Variants in SMYD3 observed in about 807,000 individuals in gnomAD.
SMYD3 encodes SET and MYND domain containing 3, also known as histone-lysine N-methyltransferase SMYD3.
SMYD3 carries 36 observed loss-of-function variants against 57.7 expected under a neutral mutation model. The ratio of observed to expected loss-of-function variants is 0.62; its 90% CI spans 0.48 to 0.82. The LOEUF (loss-of-function observed/expected upper bound fraction) is 0.82, where lower values mean the gene tolerates loss of function less well. Among genes scored for constraint, SMYD3 ranks in the 40% least tolerant of loss-of-function variants. The probability of loss-of-function intolerance (pLI) is 0.00; values close to 1 mark genes in which losing one functional copy is unlikely to be tolerated. For missense variants in SMYD3, 515 were observed against 538.8 expected (o/e 0.96, Z 0.44); for synonymous variants, 211 against 195.0 (o/e 1.08, Z -0.68).
intron 5 of SMYD3, among the ~76,000 whole-genome samples, chr1:246,247,695 T>C (rs945250041): frequency 4.6e-5 from 7 of 152,076 alleles, no homozygotes; most frequent in African/African-American, 1.7e-4. Context: ...GAGGCCTTTT[T>C]GTTTGGCAAA....
intron 5 of SMYD3, among the ~76,000 whole-genome samples, chr1:246,013,686 T>G (rs2059326999): frequency 6.6e-6 from 1 of 152,194 alleles, no homozygotes; most frequent in African/African-American, 2.4e-5. Flanking sequence ...ACGCCAGGTA[T>G]TAGACAGTCT....
At position 245,803,484 on chromosome 1, in the gene SMYD3, A is replaced by G. The variant is rs1184053625; in HGVS notation, c.1077-39335T>C. On this transcript the variant is annotated intron_variant, in intron 10 of 11. Transcript: ENST00000490107. The stretch of plus-strand genomic sequence containing the variant: ...GACTGTCAACAGTTTCATATGGTTA[A>G]ATACACACAAAGCCCCCCAGTGGCT... Among the ~76,000 whole-genome samples, 3 of 152,196 alleles carry G rather than the reference A, an allele frequency of 2.0e-5. No homozygotes were observed. The East Asian group carries it at 5.8e-4, about 29-fold the overall frequency.
At chr1:245,955,900 T>C in intron 5 of SMYD3, 9 of 972,288 alleles carry the variant, frequency 9.3e-6, no homozygotes, top group Non-Finnish European at 1.1e-5. Flanking sequence ...TGGCTCAACA[T>C]TATATCCTAA....
chr1:246,397,816 T>C (rs1055486687), intron 1 of SMYD3, among the ~76,000 whole-genome samples: 3 of 151,440 alleles, frequency 2.0e-5, no homozygotes, highest in Admixed American at 6.6e-5. Flanking sequence ...GAATGGGGAA[T>C]GCTGACTGGT....
At chr1:246,230,438 A>C (rs987340798) in intron 5 of SMYD3, among the ~76,000 whole-genome samples, 5 of 152,230 alleles carry the variant, frequency 3.3e-5, no homozygotes, top group Non-Finnish European at 7.3e-5. Flanking sequence ...GGAAAATGGG[A>C]AAGGGAAGAG....
intron 5 of SMYD3, among the ~76,000 whole-genome samples, chr1:246,064,959 T>A (rs937658864): frequency 6.6e-6 from 1 of 152,126 alleles, no homozygotes; most frequent in African/African-American, 2.4e-5. Context: ...CGACTTACCT[T>A]CCCCAACCTC....
chr1:246,147,365 A>G (rs766270652), intron 5 of SMYD3, among the ~76,000 whole-genome samples: 7 of 152,154 alleles, frequency 4.6e-5, no homozygotes, highest in Non-Finnish European at 8.8e-5. Context: ...ATGTGAGACA[A>G]AGAAGCTAGA....
chr1:246,283,383 T>G (rs2148577234), intron 5 of SMYD3, among the ~76,000 whole-genome samples: 1 of 152,220 alleles, frequency 6.6e-6, no homozygotes, highest in Non-Finnish European at 1.5e-5. Context: ...CCTCCCAAAG[T>G]CCTACCATCG....
intron 2 of SMYD3, among the ~76,000 whole-genome samples, chr1:246,343,356 A>G (rs1282907947): frequency 6.6e-6 from 1 of 152,258 alleles, no homozygotes; most frequent in Admixed American, 6.5e-5. Flanking sequence ...ACAAGTAATT[A>G]TCAAATTTTT....
chr1:245,892,211 C>G (rs73142747), intron 8 of SMYD3, among the ~76,000 whole-genome samples: 14,897 of 152,168 alleles, frequency 0.098, 1,577 homozygotes, highest in African/African-American at 0.27. Flanking sequence ...TTCAGAGACT[C>G]TGATCAGCAA....
intron 5 of SMYD3, among the ~76,000 whole-genome samples, chr1:246,252,791 A>G (rs915639788): frequency 2.6e-5 from 4 of 152,214 alleles, no homozygotes; most frequent in African/African-American, 4.8e-5. Context: ...TTATATTCAC[A>G]TAACACTTAA....
At chr1:245,960,727 CTAAATAAA>C (rs61051860) in intron 5 of SMYD3, among the ~76,000 whole-genome samples, 5 of 150,462 alleles carry the variant, frequency 3.3e-5, no homozygotes, top group Non-Finnish European at 7.4e-5. Context: ...GACTCTGTCT[CTAAATAAA>C]TAAATAAATA....
chr1:246,467,537 A>G (rs112898903), intron 1 of SMYD3, among the ~76,000 whole-genome samples: 2,483 of 152,320 alleles, frequency 0.016, 33 homozygotes, highest in Non-Finnish European at 0.024. Flanking sequence ...AATACTAAGG[A>G]TCGTAATATT....
chr1:245,947,064 C>T (rs1240959409), intron 5 of SMYD3, among the ~76,000 whole-genome samples: 1 of 152,122 alleles, frequency 6.6e-6, no homozygotes, highest in African/African-American at 2.4e-5. Context: ...CTGGCCTCCA[C>T]GTACTGTCAG....
chr1:246,094,130 C>G (rs1250547548), intron 5 of SMYD3, among the ~76,000 whole-genome samples: 1 of 151,800 alleles, frequency 6.6e-6, no homozygotes, highest in Admixed American at 6.6e-5. Flanking sequence ...ATGGGGGCAG[C>G]TGCCTGCGGG....
chr1:246,335,574 G>T (rs2065529999), intron 2 of SMYD3, 100 bp from the exon 3 acceptor site: 3 of 864,672 alleles, frequency 3.5e-6, no homozygotes, highest in Non-Finnish European at 5.6e-6. Context: ...AATTTTAATA[G>T]TCCAAATGTA....
At chr1:245,951,474 C>A (rs1216293071) in intron 5 of SMYD3, among the ~76,000 whole-genome samples, 2 of 136,372 alleles carry the variant, frequency 1.5e-5, no homozygotes, top group Non-Finnish European at 1.5e-5. Flanking sequence ...GAGGCTGAGG[C>A]AGGAGAATGG....
intron 5 of SMYD3, among the ~76,000 whole-genome samples, chr1:245,983,998 CTTTTTT>C (rs534310953): frequency 2.2e-5 from 3 of 134,466 alleles, no homozygotes; most frequent in Admixed American, 7.5e-5. Flanking sequence ...CAAGTCTACT[CTTTTTT>C]TTTTTTTTTT....
At chr1:246,439,023 G>A (rs574290507) in intron 1 of SMYD3, among the ~76,000 whole-genome samples, 1 of 151,104 alleles carries the variant, frequency 6.6e-6, no homozygotes, top group African/African-American at 2.4e-5. Context: ...CGGGCTCTGG[G>A]GACCCCTGAC....
Sources: gnomAD v4.1 joint callset for allele counts (sites outside exome capture counted in the v4.1 genomes callset) on GRCh38, gnomAD v4.1.1 for gene constraint, MANE v1.5 for transcripts, NCBI Gene and HGNC (gene_info 2026-07-23, HGNC 2026-07-21) for gene names.